TNC: variants seen among roughly 807,000 people sequenced by gnomAD.
The protein encoded by TNC is tenascin.
In TNC, 109 loss-of-function variants were observed where a neutral mutation model predicts 202.4. The ratio of observed to expected loss-of-function variants is 0.54; its 90% CI spans 0.46 to 0.63. TNC has a LOEUF of 0.63. Among genes scored for constraint, TNC ranks in the 30% least tolerant of loss-of-function variants. The pLI, the probability that TNC is intolerant of heterozygous loss-of-function variation, is 0.00. For synonymous variants in TNC, 1,007 were observed against 1,089.7 expected, an observed-to-expected ratio of 0.92 and a Z score of 1.50; for missense variants, 2,756 against 2,833.3, an observed-to-expected ratio of 0.97 and a Z score of 0.62.
intron 27 of TNC, among the ~76,000 whole-genome samples, chr9:115,021,482 C>T (rs1222768694): frequency 6.6e-6 from 1 of 152,110 alleles, no homozygotes; most frequent in Non-Finnish European, 1.5e-5. Context: ...TGAATCTGAC[C>T]CAGTTTTTCA....
chr9:115,068,914 T>C (rs72758649), intron 10 of TNC, among the ~76,000 whole-genome samples: 8,935 of 152,262 alleles, frequency 0.059, 367 homozygotes, highest in East Asian at 0.11. Flanking sequence ...CCTGTCTGTA[T>C]GCTCCTGCAG....
chr9:115,063,507 A>G (rs1832708683), intron 12 of TNC, among the ~76,000 whole-genome samples: 1 of 152,132 alleles, frequency 6.6e-6, no homozygotes, highest in African/African-American at 2.4e-5. Flanking sequence ...TTCTTCATTT[A>G]CAGGTTGGGC....
At chr9:115,083,602 CT>C (rs34162026) in intron 4 of TNC, among the ~76,000 whole-genome samples, 53,442 of 129,224 alleles carry the variant, frequency 0.41, 10,227 homozygotes, top group Admixed American at 0.49. Flanking sequence ...AATGAGGACT[CT>C]TTTTTTTTTT....
intron 1 of TNC, among the ~76,000 whole-genome samples, chr9:115,094,814 CCTCTGTGTGTGTGTGTGTGTGTGTGTGT>C (rs1328691309): frequency 3.0e-5 from 2 of 66,692 alleles, no homozygotes; most frequent in African/African-American, 1.1e-4. Flanking sequence ...AGAACAAGTG[CCTCTGTGTGTGTGTGTGTGTGTGTGTGT>C]GTGTGTGTGT....
chr9:115,086,124 C>A lies in TNC; in HGVS notation c.1607G>T (p.Cys536Phe). ...DCAELSCPND[C>F]HGQGRCVNGQ... ...ATTCACACAGCGACCCTGGCCATGGCAGTCATTTGGACAGGAGAGTTCTGC... is the reference window on the plus strand; with the variant it reads ...ATTCACACAGCGACCCTGGCCATGGAAGTCATTTGGACAGGAGAGTTCTGC... The change falls in exon 3 of 28, where the codon TGC becomes TTC. Residue 536 changes from cysteine (C) to phenylalanine (F), a missense_variant. Transcript: ENST00000350763. 6.2e-7 allele frequency: 1 copy of A among 1,614,008 alleles called. No homozygotes were observed. Among genetic ancestry groups the A allele is most frequent in the Non-Finnish European group, 8.5e-7 (1 of 1,179,908 alleles).
intron 15 of TNC, chr9:115,052,950 A>C (rs1457358356): frequency 1.4e-6 from 1 of 702,750 alleles, no homozygotes; most frequent in Admixed American, 2.0e-5. Flanking sequence ...TGAGTGGTCC[A>C]TGACATGTTG....
At position 115,046,051 on chromosome 9, in the gene TNC, A is replaced by G. The variant is rs77122212; in HGVS notation, c.5125+359T>C. Reference sequence around the variant, plus strand: ...TGAGATATGATGAGATAATAGATAGAAGGAAGAATCTTTGGAACGTAAAAA... The same window carrying G: ...TGAGATATGATGAGATAATAGATAGGAGGAAGAATCTTTGGAACGTAAAAA... On this transcript the variant is annotated intron_variant, in intron 17 of 27. Coordinates refer to ENST00000350763, the MANE Select transcript of TNC (RefSeq NM_002160.4). 6.0e-3 allele frequency among the ~76,000 whole-genome samples: 910 copies of G among 150,974 alleles called. 13 individuals are homozygous for G. Among genetic ancestry groups the G allele is most frequent in the African/African-American group, 0.021 (860 of 41,300 alleles).
intron 1 of TNC, among the ~76,000 whole-genome samples, chr9:115,102,350 G>A (rs1294911416): frequency 6.6e-6 from 1 of 152,206 alleles, no homozygotes; most frequent in Admixed American, 6.5e-5. Flanking sequence ...CCATTAAGAT[G>A]CCAGACAGCC....
At position 115,069,753 on chromosome 9, in the gene TNC, TCCC is replaced by T. The variant is rs1438144808; in HGVS notation, c.3214+3847_3214+3849del. Among the ~76,000 whole-genome samples, 93 of 16,958 alleles carry T rather than the reference TCCC, an allele frequency of 5.5e-3. 20 individuals are homozygous for T. Among genetic ancestry groups the T allele is most frequent in the African/African-American group, 0.016 (61 of 3,738 alleles). 11.1% of individuals were successfully genotyped at this position (16,958 alleles called of 152,430 possible). A position where few individuals can be genotyped will look rare whatever the true frequency, so the allele number is the denominator to read the frequency against. On this transcript the variant is annotated intron_variant, in intron 10 of 27. Coordinates refer to ENST00000350763, the MANE Select transcript of TNC (RefSeq NM_002160.4). ...CTCCCTTCCTCCCTCCCTCCCTCCC[TCCC>T]TCCCTCCCTCCCTCCCTCCCTTCCT...
At chr9:115,071,031 G>A (rs535917160) in intron 10 of TNC, among the ~76,000 whole-genome samples, 14 of 152,266 alleles carry the variant, frequency 9.2e-5, no homozygotes, top group Non-Finnish European at 1.2e-4. Context: ...ACCCTCGATC[G>A]TAGTGAGCAG....
chr9:115,114,356 C>T lies in TNC; in HGVS notation c.-137+3626G>A, dbSNP rs77897766. 0.023 allele frequency among the ~76,000 whole-genome samples: 3,509 copies of T among 152,298 alleles called. 404 individuals are homozygous for T. In the East Asian group the frequency reaches 0.39, roughly 17 times the overall value. ...TTCCAAGCTGTCCTGGGATTCATGG[C>T]CCCAAGGCCGATTTCACTTTACCTA... On this transcript the variant is annotated intron_variant, in intron 1 of 27. Transcript: ENST00000350763.
intron 6 of TNC, among the ~76,000 whole-genome samples, chr9:115,080,141 G>T (rs1004640998): frequency 6.6e-6 from 1 of 152,026 alleles, no homozygotes; most frequent in African/African-American, 2.4e-5. Context: ...CCCCTATGTT[G>T]AAATTTATGA....
intron 15 of TNC, among the ~76,000 whole-genome samples, chr9:115,053,755 G>A (rs527820944): frequency 6.6e-6 from 1 of 152,140 alleles, no homozygotes; most frequent in Non-Finnish European, 1.5e-5. Flanking sequence ...TGCATTGTAG[G>A]AAAATCTATA....
intron 15 of TNC, chr9:115,052,814 C>A (rs1831804266): frequency 1.4e-6 from 1 of 702,534 alleles, no homozygotes; most frequent in Admixed American, 2.0e-5. Context: ...GACGTCATAG[C>A]CAGTGTTCTC....
chr9:115,054,366 A>G (rs1178065805), intron 15 of TNC, among the ~76,000 whole-genome samples: 1 of 152,258 alleles, frequency 6.6e-6, no homozygotes, highest in Non-Finnish European at 1.5e-5. Context: ...GAAGGTAACA[A>G]TGCAATCATT....
chr9:115,075,930 C>T (rs1833811649), intron 9 of TNC, 102 bp downstream of exon 9: 1 of 1,025,770 alleles, frequency 9.7e-7, no homozygotes. Flanking sequence ...CTTTTTCCTC[C>T]AGGCTTCTAC....
At chr9:115,061,930 C>T (rs1227514929) in intron 13 of TNC, among the ~76,000 whole-genome samples, 1 of 152,048 alleles carries the variant, frequency 6.6e-6, no homozygotes, top group East Asian at 1.9e-4. Flanking sequence ...TGGAAATGTC[C>T]CTGCTTTTTG....
At chr9:115,054,072 G>T (rs1209035456) in intron 15 of TNC, among the ~76,000 whole-genome samples, 1 of 152,156 alleles carries the variant, frequency 6.6e-6, no homozygotes, top group Non-Finnish European at 1.5e-5. Flanking sequence ...GTGCGGCCCA[G>T]ACTGTATTTT....
chr9:115,063,899 G>A lies in TNC; in HGVS notation c.3657C>T (p.Ser1219=). The change falls in exon 12 of 28, where the codon TCC becomes TCT. Residue 1219 remains serine, a synonymous_variant. Coordinates refer to ENST00000350763, the MANE Select transcript of TNC (RefSeq NM_002160.4). ...CTGCTTTGAGCCCAGGCAGGTCTGT[G>A]GACCTCAGTCCTCCTGGGACGGTGA... is the stretch of plus-strand genomic sequence containing the variant. The part of the protein sequence containing the change: ...QNLTVPGGLR[S]TDLPGLKAAT... 1 of 1,614,206 alleles carries A rather than the reference G, an allele frequency of 6.2e-7. No individual in the cohort carries two copies. The highest frequency in any genetic ancestry group is 8.5e-7 in the Non-Finnish European group (1 of 1,180,028).
Sources: gnomAD v4.1 joint callset for allele counts (sites outside exome capture counted in the v4.1 genomes callset) on GRCh38, gnomAD v4.1.1 for gene constraint, MANE v1.5 for transcripts, NCBI Gene and HGNC (gene_info 2026-07-23, HGNC 2026-07-21) for gene names.